ANKDD1B: variants seen among roughly 807,000 people sequenced by gnomAD.
The protein encoded by ANKDD1B is ankyrin repeat and death domain containing 1B, also known as ankyrin repeat and death domain-containing protein 1B.
Under a neutral mutation model 59.7 loss-of-function variants are expected in ANKDD1B, and 57 were observed. The observed-to-expected ratio is 0.95, with a 90% CI of 0.77 to 1.19. The LOEUF (loss-of-function observed/expected upper bound fraction) is 1.19. Ranked by LOEUF, ANKDD1B falls within the 50% of genes most tolerant of loss-of-function variation. ANKDD1B has a pLI of 0.00. For missense variants in ANKDD1B, 602 were observed against 641.9 expected (o/e 0.94, Z 0.67); for synonymous variants, 216 against 239.5 (o/e 0.90, Z 0.91).
In ANKDD1B at chr5:75,653,171, C is replaced by G. The variant is rs761774971; in HGVS notation, c.828C>G (p.Thr276=). 4 of 1,536,034 alleles carry G rather than the reference C, an allele frequency of 2.6e-6. No individual in the cohort carries two copies. Among genetic ancestry groups the G allele is most frequent in the Non-Finnish European group, 3.5e-6 (4 of 1,146,860 alleles). The change falls in exon 8 of 14, where the codon ACC becomes ACG. Residue 276 remains threonine (T), a synonymous_variant. Coordinates refer to ENST00000601380, the MANE Select transcript of ANKDD1B (RefSeq NM_001276713.2). ...ELNISSLQIA[T]RNGHASLVNF... ...ATATCAGTAGTTTGCAGATAGCAAC[C>G]AGGAACGGCCATGCATCCCTTGTCA...
chr5:75,624,860 A>G (rs1773948524), intron 3 of ANKDD1B, among the ~76,000 whole-genome samples: 1 of 152,190 alleles, frequency 6.6e-6, no homozygotes, highest in Admixed American at 6.5e-5. Context: ...ATGGGATTAT[A>G]TCATATTTAT....
At chr5:75,612,240 C>T (rs1210687114) in intron 1 of ANKDD1B, among the ~76,000 whole-genome samples, 2 of 151,548 alleles carry the variant, frequency 1.3e-5, no homozygotes. Flanking sequence ...ATCATCTATG[C>T]CTTGGGAATA....
intron 11 of ANKDD1B, among the ~76,000 whole-genome samples, chr5:75,663,886 G>A (rs918873468): frequency 1.3e-5 from 2 of 152,194 alleles, no homozygotes; most frequent in Non-Finnish European, 2.9e-5. Context: ...TCAACACACC[G>A]CTGTGCAGGC....
At chr5:75,647,742 C>T (rs1183046970) in intron 7 of ANKDD1B, among the ~76,000 whole-genome samples, 4 of 130,850 alleles carry the variant, frequency 3.1e-5, no homozygotes, top group Non-Finnish European at 6.1e-5. Flanking sequence ...CCCAGCCATC[C>T]CAATACTGGG....
intron 7 of ANKDD1B, among the ~76,000 whole-genome samples, chr5:75,651,315 T>C (rs996602744): frequency 2.0e-5 from 3 of 152,226 alleles, no homozygotes; most frequent in African/African-American, 7.2e-5. Context: ...GAAAATACTT[T>C]GTAGCAATCT....
chr5:75,654,951 C>T (rs1774929037), intron 8 of ANKDD1B, among the ~76,000 whole-genome samples: 1 of 152,174 alleles, frequency 6.6e-6, no homozygotes, highest in African/African-American at 2.4e-5. Context: ...CCCCGCCTCC[C>T]TCCCTTATCA....
chr5:75,657,314 AAAT>A (rs1347864335), intron 9 of ANKDD1B, among the ~76,000 whole-genome samples: 1 of 152,120 alleles, frequency 6.6e-6, no homozygotes, highest in African/African-American at 2.4e-5. Context: ...TACACATAAA[AAAT>A]AGGAAATTTT....
chr5:75,663,767 C>A (rs1392441629), intron 11 of ANKDD1B, among the ~76,000 whole-genome samples: 2 of 152,194 alleles, frequency 1.3e-5, no homozygotes, highest in Non-Finnish European at 2.9e-5. Context: ...GCGTGTGAGC[C>A]CCTGATGGGT....
chr5:75,625,938 C>T lies in ANKDD1B; in HGVS notation c.583C>T (p.Leu195=). 2 of 1,535,698 alleles carry T rather than the reference C, an allele frequency of 1.3e-6. No individual in the cohort carries two copies. The highest frequency in any genetic ancestry group is 1.4e-5 in the African/African-American group (1 of 73,154). The change falls in exon 5 of 14, where the codon CTG becomes TTG. Residue 195 remains leucine (L), a synonymous_variant. Coordinates refer to ENST00000601380, the MANE Select transcript of ANKDD1B (RefSeq NM_001276713.2). ...YLIQDLHLKD[L]NQPDEKGRKP... ...TATTCAAGATCTGCACCTCAAGGAC[C>T]TGAACCAGCCTGATGAGGTGTGTTC...
rs369408709 is a variant in ANKDD1B at position 75,620,081 on chromosome 5, T to C, written c.298-234T>C. 6.7e-4 allele frequency among the ~76,000 whole-genome samples: 102 copies of C among 152,318 alleles called. 1 individual carries two copies. The highest frequency in any genetic ancestry group is 2.4e-3 in the African/African-American group (99 of 41,580). ...TACAATATAAGCTGAAACAAGAATT[T>C]CATCTTGCGGCGTGTCCTTCAGTGG... On this transcript the variant is annotated intron_variant, in intron 2 of 13. Coordinates refer to ENST00000601380, the MANE Select transcript of ANKDD1B (RefSeq NM_001276713.2).
chr5:75,642,072 T>C (rs1208849969), intron 7 of ANKDD1B, among the ~76,000 whole-genome samples: 1 of 152,260 alleles, frequency 6.6e-6, no homozygotes, highest in African/African-American at 2.4e-5. Flanking sequence ...AGAACACTAA[T>C]TGAAAAAATA....
chr5:75,649,263 G>A (rs1439338994), intron 7 of ANKDD1B, among the ~76,000 whole-genome samples: 1 of 150,054 alleles, frequency 6.7e-6, no homozygotes, highest in East Asian at 1.9e-4. Flanking sequence ...GGCTATGACA[G>A]ACTCACCTAA....
chr5:75,659,486 C>A, intron 10 of ANKDD1B, 105 bp downstream of exon 10: 1 of 822,262 alleles, frequency 1.2e-6, no homozygotes, highest in Non-Finnish European at 2.0e-6. Flanking sequence ...GTGAAATGGG[C>A]ACAAACTGGA....
intron 5 of ANKDD1B, among the ~76,000 whole-genome samples, chr5:75,629,019 G>A (rs574383104): frequency 7.9e-5 from 12 of 152,254 alleles, no homozygotes; most frequent in East Asian, 1.9e-4. Context: ...TTTCAGCTAC[G>A]AATATGGTAG....
intron 3 of ANKDD1B, among the ~76,000 whole-genome samples, chr5:75,623,990 C>G (rs533456804): frequency 1.6e-4 from 24 of 152,118 alleles, no homozygotes; most frequent in Non-Finnish European, 2.6e-4. Flanking sequence ...ATGTACTTTA[C>G]AAATAGAAGT....
At chr5:75,650,353 G>A (rs577030453) in intron 7 of ANKDD1B, among the ~76,000 whole-genome samples, 1 of 152,306 alleles carries the variant, frequency 6.6e-6, no homozygotes, top group South Asian at 2.1e-4. Context: ...ACTGTTGCTG[G>A]TTTTGACAAT....
chr5:75,615,514 G>A lies in ANKDD1B; in HGVS notation c.194-1290G>A, dbSNP rs151046908. 1.1e-3 allele frequency among the ~76,000 whole-genome samples: 165 copies of A among 152,266 alleles called. 2 individuals are homozygous for A. The East Asian group carries it at 0.028, about 25-fold the overall frequency. On this transcript the variant is annotated intron_variant, in intron 1 of 13. Transcript: ENST00000601380. ...ACTCAGGCTGCCACGACAAAGTACA[G>A]CAGACTGGATGGCTCAAACCACAGA...
In ANKDD1B at chr5:75,650,837, G is replaced by A. The variant is rs149496959; in HGVS notation, c.799-2305G>A. On this transcript the variant is annotated intron_variant, in intron 7 of 13. Coordinates refer to ENST00000601380, the MANE Select transcript of ANKDD1B (RefSeq NM_001276713.2). The stretch of plus-strand genomic sequence containing the variant: ...CTGTGGGTTGACTGGGCTCAGCTGA[G>A]AGGATTCTTAGTTTGAGTTTATTAT... Among the ~76,000 whole-genome samples, 169 of 152,300 alleles carry A rather than the reference G, an allele frequency of 1.1e-3. 1 individual carries two copies. The East Asian group carries it at 0.028, about 26-fold the overall frequency.
rs1296328552 is a variant in ANKDD1B, at chr5:75,671,142, A to G, written c.*102A>G. ...GTAGCACTGATTTTCAACTATGATG[A>G]TGGTGGTGACAGGGAACTCTAACAG... is the stretch of plus-strand genomic sequence containing the variant. On this transcript the variant is annotated 3_prime_UTR_variant, in exon 14 of 14. Coordinates refer to ENST00000601380, the MANE Select transcript of ANKDD1B (RefSeq NM_001276713.2). The G allele has an allele frequency of 1.7e-5, 8 of 458,012 alleles. No homozygotes were observed. The highest frequency in any genetic ancestry group is 2.1e-5 in the Non-Finnish European group (6 of 282,510). The allele number at this position is 458,012 out of a possible 1,614,324, so 28.4% of individuals were successfully genotyped here. A position where few individuals can be genotyped will look rare whatever the true frequency, so the allele number is the denominator to read the frequency against.
Sources: gnomAD v4.1 joint callset for allele counts (sites outside exome capture counted in the v4.1 genomes callset) on GRCh38, gnomAD v4.1.1 for gene constraint, MANE v1.5 for transcripts, NCBI Gene and HGNC (gene_info 2026-07-23, HGNC 2026-07-21) for gene names.